Variants in PDZRN4 observed in about 807,000 individuals in gnomAD.
PDZRN4 encodes the protein PDZ domain containing ring finger 4, also known as PDZ domain-containing RING finger protein 4.
In PDZRN4, 70 loss-of-function variants were observed where a neutral mutation model predicts 99.0. The ratio of observed to expected loss-of-function variants is 0.71; its 90% CI spans 0.58 to 0.86. The LOEUF is 0.86. PDZRN4 is among the 40% of genes least tolerant of loss of function. PDZRN4 has a pLI of 0.00. For synonymous variants in PDZRN4, 551 were observed against 501.6 expected (o/e 1.10, Z -1.32); for missense variants, 1,474 against 1,331.2 (o/e 1.11, Z -1.67).
chr12:41,257,858 G>A (rs1264540035), intron 3 of PDZRN4, among the ~76,000 whole-genome samples: 2 of 152,136 alleles, frequency 1.3e-5, no homozygotes, highest in African/African-American at 4.8e-5. Context: ...AACCACAGGT[G>A]TCTTAAAATT....
chr12:41,269,726 G>A (rs892142098), intron 3 of PDZRN4, among the ~76,000 whole-genome samples: 2 of 152,100 alleles, frequency 1.3e-5, no homozygotes, highest in African/African-American at 4.8e-5. Flanking sequence ...GTATCAGACT[G>A]TGTTGTTTCT....
At chr12:41,476,414 T>A (rs2120584865) in intron 3 of PDZRN4, among the ~76,000 whole-genome samples, 1 of 152,324 alleles carries the variant, frequency 6.6e-6, no homozygotes, top group Non-Finnish European at 1.5e-5. Flanking sequence ...AGACTTAAAA[T>A]TAACTAGTGT....
chr12:41,357,825 A>G (rs1417239244), intron 3 of PDZRN4, among the ~76,000 whole-genome samples: 1 of 152,032 alleles, frequency 6.6e-6, no homozygotes, highest in Non-Finnish European at 1.5e-5. Context: ...ATTAGATACA[A>G]GATCAGTCTC....
chr12:41,436,777 A>C (rs562981910), intron 3 of PDZRN4, among the ~76,000 whole-genome samples: 1 of 152,344 alleles, frequency 6.6e-6, no homozygotes, highest in African/African-American at 2.4e-5. Flanking sequence ...TTATCTAAAC[A>C]TCTAAGCTTA....
chr12:41,411,068 T>TATATATATA (rs1555141008), intron 3 of PDZRN4, among the ~76,000 whole-genome samples: 1 of 84,002 alleles, frequency 1.2e-5, no homozygotes, highest in African/African-American at 6.2e-5. Context: ...TATATATATA[T>TATATATATA]TTTTTTTTTA....
intron 3 of PDZRN4, among the ~76,000 whole-genome samples, chr12:41,430,689 A>G (rs1952579987): frequency 6.6e-6 from 1 of 152,204 alleles, no homozygotes; most frequent in South Asian, 2.1e-4. Context: ...AGGTGAACAG[A>G]AGTATAAAAT....
intron 3 of PDZRN4, among the ~76,000 whole-genome samples, chr12:41,350,754 T>A (rs1305614705): frequency 1.3e-5 from 2 of 152,150 alleles, no homozygotes; most frequent in African/African-American, 4.8e-5. Context: ...ATGTTTTGAA[T>A]ATATCCCCCC....
At chr12:41,571,451 A>C (rs1383024887) in intron 9 of PDZRN4, among the ~76,000 whole-genome samples, 1 of 151,048 alleles carries the variant, frequency 6.6e-6, no homozygotes, top group African/African-American at 2.4e-5. Context: ...ATGTGACATA[A>C]GTGTCAAAAT....
At chr12:41,202,247 C>T (rs565615645) in intron 3 of PDZRN4, among the ~76,000 whole-genome samples, 2 of 151,974 alleles carry the variant, frequency 1.3e-5, no homozygotes, top group Non-Finnish European at 2.9e-5. Flanking sequence ...ACCAGTAGCC[C>T]CAGCTGTGAG....
At chr12:41,472,387 A>G (rs1451771367) in intron 3 of PDZRN4, among the ~76,000 whole-genome samples, 4 of 152,238 alleles carry the variant, frequency 2.6e-5, no homozygotes, top group Non-Finnish European at 5.9e-5. Context: ...TGACAAAACA[A>G]CTAGATACCC....
At chr12:41,276,768 G>A (rs1281155169) in intron 3 of PDZRN4, among the ~76,000 whole-genome samples, 2 of 152,148 alleles carry the variant, frequency 1.3e-5, no homozygotes, top group Non-Finnish European at 2.9e-5. Flanking sequence ...ATCAGCTAAT[G>A]TATGTAAAGT....
intron 3 of PDZRN4, among the ~76,000 whole-genome samples, chr12:41,492,749 T>C (rs1937913647): frequency 6.6e-6 from 1 of 152,194 alleles, no homozygotes; most frequent in Admixed American, 6.5e-5. Flanking sequence ...GATTATTCTT[T>C]ACACCTTTGA....
intron 3 of PDZRN4, among the ~76,000 whole-genome samples, chr12:41,372,698 G>C (rs981638771): frequency 3.9e-5 from 6 of 152,024 alleles, no homozygotes; most frequent in Non-Finnish European, 2.9e-5. Flanking sequence ...GGGTTGAGGA[G>C]GTGTGATCAC....
intron 3 of PDZRN4, among the ~76,000 whole-genome samples, chr12:41,471,327 C>T (rs889243273): frequency 2.0e-5 from 3 of 152,074 alleles, no homozygotes; most frequent in African/African-American, 4.8e-5. Context: ...TCACATATAA[C>T]AGGTGAAGTC....
intron 3 of PDZRN4, among the ~76,000 whole-genome samples, chr12:41,361,812 G>A (rs575085332): frequency 3.9e-5 from 6 of 152,114 alleles, no homozygotes; most frequent in South Asian, 2.1e-4. Flanking sequence ...GGGGCAACAC[G>A]TTTCTTCTGT....
In PDZRN4 at chr12:41,317,055, T is replaced by C. The variant is rs1311474240; in HGVS notation, c.843+122867T>C. Among the ~76,000 whole-genome samples the C allele has an allele frequency of 2.0e-3, 269 of 133,094 alleles. 19 individuals are homozygous for C. Among genetic ancestry groups the C allele is most frequent in the African/African-American group, 6.8e-3 (246 of 36,286 alleles). 87.3% of individuals were successfully genotyped at this position (133,094 alleles called of 152,430 possible). A position where few individuals can be genotyped will look rare whatever the true frequency, so the allele number is the denominator to read the frequency against. On this transcript the variant is annotated intron_variant, in intron 3 of 9. Transcript: ENST00000402685. ...AATCATAACTTACATAAAGTATATA[T>C]ATATATATATATATATATAGTATAT...
chr12:41,460,038 G>A (rs188862199), intron 3 of PDZRN4: 1 of 1,287,060 alleles, frequency 7.8e-7, no homozygotes, highest in East Asian at 5.6e-5. Context: ...TGGGATCTTA[G>A]TTCTGCTTCA....
At chr12:41,234,053 T>C (rs1319934920) in intron 3 of PDZRN4, among the ~76,000 whole-genome samples, 1 of 152,062 alleles carries the variant, frequency 6.6e-6, no homozygotes, top group African/African-American at 2.4e-5. Flanking sequence ...ATATTCATTT[T>C]AGTGAATTTA....
At chr12:41,245,409 C>T (rs1951127683) in intron 3 of PDZRN4, among the ~76,000 whole-genome samples, 1 of 152,086 alleles carries the variant, frequency 6.6e-6, no homozygotes, top group South Asian at 2.1e-4. Context: ...AAAATAAGAG[C>T]TCTGCTTTCA....
Sources: gnomAD v4.1 joint callset for allele counts (sites outside exome capture counted in the v4.1 genomes callset) on GRCh38, gnomAD v4.1.1 for gene constraint, MANE v1.5 for transcripts, NCBI Gene and HGNC (gene_info 2026-07-23, HGNC 2026-07-21) for gene names.